Variants in VPS41 observed in about 807,000 individuals in gnomAD.
VPS41 encodes the protein VPS41 subunit of HOPS complex.
A neutral mutation model predicts 130.9 loss-of-function variants in VPS41; 85 were observed. The observed-to-expected ratio is 0.65, with a 90% confidence interval of 0.55 to 0.78. The LOEUF is 0.78. Among genes scored for constraint, VPS41 ranks in the 30% least tolerant of loss-of-function variants. The pLI is 0.00. For missense variants in VPS41, 874 were observed against 1,018.7 expected (o/e 0.86, Z 1.93); for synonymous variants, 335 against 332.9 (o/e 1.01, Z -0.07).
chr7:38,892,137 T>G (rs1786879917), intron 2 of VPS41, among the ~76,000 whole-genome samples: 2 of 152,136 alleles, frequency 1.3e-5, no homozygotes, highest in Admixed American at 1.3e-4. Context: ...ATCTCATTAT[T>G]ATACATAGAG....
At chr7:38,811,475 C>T (rs1394501830) in intron 7 of VPS41, among the ~76,000 whole-genome samples, 2 of 151,888 alleles carry the variant, frequency 1.3e-5, no homozygotes, top group African/African-American at 2.4e-5. Flanking sequence ...CATTAAATTG[C>T]GGACACAGTT....
In VPS41 at chr7:38,832,319, C is replaced by CTTTTTTTTTTTTTTTT. The variant is rs543207806; in HGVS notation, c.247-2007_247-1992dup. On this transcript the variant is annotated intron_variant, in intron 4 of 28. Transcript: ENST00000310301. Reference sequence around the variant, plus strand: ...ATTTCAGAATTCATTTTCTTTCTTTCTTTTTTTTTTTTTTTTTTTGAGACA... The same window carrying CTTTTTTTTTTTTTTTT: ...ATTTCAGAATTCATTTTCTTTCTTTCTTTTTTTTTTTTTTTTTTTTTTTTTTTTTTTTTTTGAGACA... Among the ~76,000 whole-genome samples, 46 of 114,732 alleles carry CTTTTTTTTTTTTTTTT rather than the reference C, an allele frequency of 4.0e-4. 1 individual carries two copies. Among genetic ancestry groups the CTTTTTTTTTTTTTTTT allele is most frequent in the Non-Finnish European group, 6.8e-4 (39 of 57,260 alleles). 75.3% of individuals were successfully genotyped at this position (114,732 alleles called of 152,430 possible).
chr7:38,798,553 G>C (rs931747195), intron 7 of VPS41, among the ~76,000 whole-genome samples: 2 of 152,106 alleles, frequency 1.3e-5, no homozygotes, highest in Admixed American at 6.5e-5. Context: ...TTGGCCTCCC[G>C]AAGTGCTGGG....
At chr7:38,778,913 G>A (rs1194011078) in intron 10 of VPS41, among the ~76,000 whole-genome samples, 1 of 152,124 alleles carries the variant, frequency 6.6e-6, no homozygotes, top group Non-Finnish European at 1.5e-5. Context: ...ACAGAACAGA[G>A]AAACTACGAA....
intron 10 of VPS41, among the ~76,000 whole-genome samples, chr7:38,780,879 GT>G (rs1784343923): frequency 6.6e-6 from 1 of 152,060 alleles, no homozygotes; most frequent in Non-Finnish European, 1.5e-5. Flanking sequence ...CCTCACGACA[GT>G]GAGTTCTCAC....
At chr7:38,772,742 A>C in intron 12 of VPS41, 105 bp from the exon 13 acceptor site, 1 of 645,912 alleles carries the variant, frequency 1.5e-6, no homozygotes, top group South Asian at 2.0e-5. Context: ...AGCGAACAGA[A>C]AATGTGTCTA....
intron 5 of VPS41, among the ~76,000 whole-genome samples, chr7:38,824,062 T>A (rs977455691): frequency 6.6e-6 from 1 of 152,146 alleles, no homozygotes; most frequent in African/African-American, 2.4e-5. Context: ...ATCATGGGAA[T>A]CTTAATGGAG....
At chr7:38,752,078 C>A in intron 22 of VPS41, 98 bp downstream of exon 22, 1 of 1,518,804 alleles carries the variant, frequency 6.6e-7, no homozygotes, top group Non-Finnish European at 9.0e-7. Context: ...TGGAAAGGGA[C>A]AGATGAACAG....
At position 38,794,391 on chromosome 7, in the gene VPS41, T is replaced by C. The variant is rs534061091; in HGVS notation, c.717+1074A>G. Among the ~76,000 whole-genome samples, 5 of 152,322 alleles carry C rather than the reference T, an allele frequency of 3.3e-5. No individual in the cohort carries two copies. The South Asian group carries it at 1.0e-3, about 32-fold the overall frequency. On this transcript the variant is annotated intron_variant, in intron 9 of 28. Coordinates refer to ENST00000310301, the MANE Select transcript of VPS41 (RefSeq NM_014396.4). Reference sequence around the variant, plus strand: ...TGGGAGGGCCTGAAGTGTAACAATGTTTGTTTTGCTAATAACAATCATTAC... The same window carrying C: ...TGGGAGGGCCTGAAGTGTAACAATGCTTGTTTTGCTAATAACAATCATTAC...
intron 4 of VPS41, among the ~76,000 whole-genome samples, chr7:38,843,253 T>C (rs1321762142): frequency 1.3e-5 from 2 of 152,228 alleles, no homozygotes; most frequent in Non-Finnish European, 2.9e-5. Context: ...TTTGATCAGA[T>C]TCAAGTAGCT....
rs1266956346 is a variant in VPS41 at position 38,758,362 on chromosome 7, C to T, written c.1542G>A (p.Leu514=). ...DSQNKTLLKT[L]AELYTYDKNY... ...CACTTAAGTATACTCACAATTCTGC[C>T]AGGGTTTTAAGTAAAGTCTTGTTCT... Residue 514 remains leucine (L), a synonymous_variant, in exon 18 of 29, where the codon CTG becomes CTA. Transcript: ENST00000310301. The T allele has an allele frequency of 6.2e-7, 1 of 1,607,792 alleles. No homozygotes were observed. Among genetic ancestry groups the T allele is most frequent in the Non-Finnish European group, 8.5e-7 (1 of 1,178,220 alleles).
chr7:38,843,567 G>A (rs904782237), intron 4 of VPS41, among the ~76,000 whole-genome samples: 1 of 151,854 alleles, frequency 6.6e-6, no homozygotes, highest in East Asian at 1.9e-4. Context: ...CTGTAATCCC[G>A]GCTACTCAGG....
intron 27 of VPS41, among the ~76,000 whole-genome samples, chr7:38,727,591 T>G (rs57865190): frequency 0.027 from 4,122 of 152,270 alleles, 190 homozygotes; most frequent in African/African-American, 0.094. Context: ...CAACACTGTC[T>G]GAAATGCTAT....
At chr7:38,888,068 CA>C (rs1197876530) in intron 2 of VPS41, among the ~76,000 whole-genome samples, 2 of 152,166 alleles carry the variant, frequency 1.3e-5, no homozygotes, top group Non-Finnish European at 2.9e-5. Context: ...CCAGCCACTG[CA>C]AAAACATGCC....
At chr7:38,743,201 G>T (rs1795918683) in intron 24 of VPS41, among the ~76,000 whole-genome samples, 2 of 152,182 alleles carry the variant, frequency 1.3e-5, no homozygotes, top group African/African-American at 4.8e-5. Flanking sequence ...ATCACATGCA[G>T]GTAATGCAAA....
intron 7 of VPS41, among the ~76,000 whole-genome samples, chr7:38,814,321 G>A (rs1302511584): frequency 6.6e-6 from 1 of 152,204 alleles, no homozygotes; most frequent in Non-Finnish European, 1.5e-5. Flanking sequence ...CCTTGCAGCA[G>A]AAAAGCAATT....
intron 4 of VPS41, among the ~76,000 whole-genome samples, chr7:38,843,701 A>G (rs1288050403): frequency 1.3e-5 from 2 of 152,096 alleles, no homozygotes; most frequent in African/African-American, 4.8e-5. Context: ...AACAAAAAAA[A>G]AAACTGAATG....
intron 1 of VPS41, among the ~76,000 whole-genome samples, chr7:38,908,343 T>G (rs867891438): frequency 1.3e-5 from 2 of 152,352 alleles, no homozygotes; most frequent in South Asian, 2.1e-4. Context: ...CTTCGTCATT[T>G]CATAAAATGT....
At chr7:38,793,850 T>TCC (rs1784575962) in intron 9 of VPS41, among the ~76,000 whole-genome samples, 1 of 152,096 alleles carries the variant, frequency 6.6e-6, no homozygotes, top group African/African-American at 2.4e-5. Context: ...TCCCTCTGCC[T>TCC]CCCTCTCATA....
Sources: allele counts gnomAD v4.1 joint callset (sites outside exome capture counted in the v4.1 genomes callset), GRCh38; gene constraint gnomAD v4.1.1; transcripts MANE v1.5; gene names NCBI Gene and HGNC (gene_info 2026-07-23, HGNC 2026-07-21).